KIRREL3: variants seen among roughly 807,000 people sequenced by gnomAD.
KIRREL3 encodes the protein kirre like nephrin family adhesion molecule 3.
KIRREL3 carries 36 observed loss-of-function variants against 89.7 expected under a neutral mutation model. That is an observed-to-expected ratio of 0.40 (90% CI 0.31 to 0.53). The LOEUF is 0.53. KIRREL3 is among the 20% of genes least tolerant of loss of function. The pLI, the probability that KIRREL3 is intolerant of heterozygous loss-of-function variation, is 0.49. For synonymous variants in KIRREL3, 445 were observed against 441.4 expected (o/e 1.01, Z -0.10); for missense variants, 864 against 1,056.6 (o/e 0.82, Z 2.53).
chr11:126,802,709 A>G lies in KIRREL3; in HGVS notation c.55+197746T>C, dbSNP rs902571209. On this transcript the variant is annotated intron_variant, in intron 1 of 16. Coordinates refer to ENST00000525144, the MANE Select transcript of KIRREL3 (RefSeq NM_032531.4). The surrounding 1 kb of genome is among the most constrained non-coding windows in gnomAD (Gnocchi z 5.2). ...CAACCCTGAATTGGAATAACTGGAT[A>G]AGTAATTATCCTACTCTTTAAATCA... 2.0e-5 allele frequency among the ~76,000 whole-genome samples: 3 copies of G among 152,214 alleles called. No individual in the cohort carries two copies. The highest frequency in any genetic ancestry group is 4.1e-4 in the South Asian group (2 of 4,830).
At chr11:126,885,497 G>A (rs569758066) in intron 1 of KIRREL3, among the ~76,000 whole-genome samples, 5 of 152,280 alleles carry the variant, frequency 3.3e-5, no homozygotes, top group Middle Eastern at 6.8e-3. Context: ...GCATCCCTAA[G>A]ATCTATTTAA....
At position 126,424,968 on chromosome 11, in the gene KIRREL3, G is replaced by A. The variant is rs758142227; in HGVS notation, c.1949C>T (p.Pro650Leu). The A allele has an allele frequency of 8.9e-6, 14 of 1,579,052 alleles. No individual in the cohort carries two copies. The highest frequency in any genetic ancestry group is 1.1e-5 in the Non-Finnish European group (13 of 1,160,574). Residue 650 changes from proline (P) to leucine (L), a missense_variant, in exon 17 of 17, where the codon CCG (proline) becomes CTG (leucine). Coordinates refer to ENST00000525144, the MANE Select transcript of KIRREL3 (RefSeq NM_032531.4). ...VNTFKEHHST[P>L]TISLSSCQPD... ...CTGGCAGCTGGAGAGGGAGATGGTC[G>A]GGGTTGAGTGGTGCTCTTTGAAGGT...
rs1450519714 is a variant in KIRREL3 at position 126,462,560 on chromosome 11, G to A, written c.742+597C>T. 6.6e-6 allele frequency among the ~76,000 whole-genome samples: 1 copy of A among 152,148 alleles called. No individual in the cohort carries two copies. Among genetic ancestry groups the A allele is most frequent in the African/African-American group, 2.4e-5 (1 of 41,418 alleles). ...GATGCCTGTCATCCCAGCTACTCAG[G>A]CAGGCTAAGACAGGAGAATCGCTTG... On this transcript the variant is annotated intron_variant, in intron 6 of 16. Coordinates refer to ENST00000525144, the MANE Select transcript of KIRREL3 (RefSeq NM_032531.4). The surrounding 1 kb of genome is among the most constrained non-coding windows in gnomAD (Gnocchi z 4.8).
chr11:126,950,554 T>C (rs1025801178), intron 1 of KIRREL3, among the ~76,000 whole-genome samples: 7 of 152,308 alleles, frequency 4.6e-5, no homozygotes, highest in African/African-American at 1.4e-4. Flanking sequence ...TGGTGTCCCA[T>C]TGTTCATTCT....
chr11:126,502,799 A>C (rs1315821893), intron 4 of KIRREL3, among the ~76,000 whole-genome samples: 1 of 152,188 alleles, frequency 6.6e-6, no homozygotes. Context: ...GTTGCATTTC[A>C]TTGGTGTAGA....
intron 1 of KIRREL3, among the ~76,000 whole-genome samples, chr11:126,675,740 G>A (rs1423550187): frequency 6.6e-6 from 1 of 152,180 alleles, no homozygotes; most frequent in African/African-American, 2.4e-5. Context: ...GGTTTTGTAA[G>A]CCAAGCATAG....
Position 126,484,197 on chromosome 11 carries a change from G to T in KIRREL3, c.434-10731C>A, listed in dbSNP as rs1957292102. On this transcript the variant is annotated intron_variant, in intron 4 of 16. Coordinates refer to ENST00000525144, the MANE Select transcript of KIRREL3 (RefSeq NM_032531.4). This position sits in a 1 kb window ranked among gnomAD's most constrained non-coding sequence, Gnocchi z 5.2. ...TCCCCACCTGAGCACCTCTTACACT[G>T]GTCCTCACCACATCTCTATTGCATT... 6.6e-6 allele frequency among the ~76,000 whole-genome samples: 1 copy of T among 152,096 alleles called. No individual in the cohort carries two copies. The highest frequency in any genetic ancestry group is 2.4e-5 in the African/African-American group (1 of 41,398).
chr11:126,837,577 C>T lies in KIRREL3; in HGVS notation c.55+162878G>A, dbSNP rs990227581. On this transcript the variant is annotated intron_variant, in intron 1 of 16. Coordinates refer to ENST00000525144, the MANE Select transcript of KIRREL3 (RefSeq NM_032531.4). The surrounding 1 kb of genome is among the most constrained non-coding windows in gnomAD (Gnocchi z 4.7). ...TCCTCTTCCCACCTCTTCCAATCCT[C>T]GCTACATCCAGGAACTTACTCTGCT... Among the ~76,000 whole-genome samples, 8 of 152,152 alleles carry T rather than the reference C, an allele frequency of 5.3e-5. No homozygotes were observed. The highest frequency in any genetic ancestry group is 1.4e-4 in the African/African-American group (6 of 41,430).
At chr11:126,625,313 G>A (rs1943737085) in intron 1 of KIRREL3, among the ~76,000 whole-genome samples, 1 of 152,116 alleles carries the variant, frequency 6.6e-6, no homozygotes, top group Non-Finnish European at 1.5e-5. Context: ...CCTTTAGGTA[G>A]GGTCTCTGGA....
Position 126,909,274 on chromosome 11 carries a change from C to A in KIRREL3, c.55+91181G>T, listed in dbSNP as rs1430037812. On this transcript the variant is annotated intron_variant, in intron 1 of 16. Transcript: ENST00000525144. The surrounding 1 kb of genome is among the most constrained non-coding windows in gnomAD (Gnocchi z 4.5). ...TGTGGCACTAAAACCCAGGCTCCGG[C>A]CTGGGACTCTTTACATTATAAGTGT... 4.6e-5 allele frequency among the ~76,000 whole-genome samples: 7 copies of A among 152,242 alleles called. No homozygotes were observed. The highest frequency in any genetic ancestry group is 1.9e-4 in the East Asian group (1 of 5,154).
intron 1 of KIRREL3, among the ~76,000 whole-genome samples, chr11:126,847,093 G>A (rs1357359495): frequency 1.3e-5 from 2 of 152,160 alleles, no homozygotes; most frequent in Non-Finnish European, 2.9e-5. Flanking sequence ...TTATCTATAA[G>A]CTTTTATTAA....
At chr11:126,572,572 A>ACC (rs56397539) in intron 1 of KIRREL3, among the ~76,000 whole-genome samples, 30 of 139,926 alleles carry the variant, frequency 2.1e-4, no homozygotes, top group African/African-American at 8.0e-4. Context: ...GGAAGAGGGG[A>ACC]CCCCCCCCCC....
chr11:126,445,455 C>T (rs867130626), intron 9 of KIRREL3, among the ~76,000 whole-genome samples: 8 of 152,318 alleles, frequency 5.3e-5, no homozygotes, highest in Middle Eastern at 3.4e-3. Flanking sequence ...CCTGTACCTG[C>T]GGTGGCTTCT....
At chr11:126,444,233 G>A (rs1955700340) in intron 10 of KIRREL3, among the ~76,000 whole-genome samples, 1 of 152,116 alleles carries the variant, frequency 6.6e-6, no homozygotes, top group African/African-American at 2.4e-5. Context: ...GCCCTCAAGG[G>A]GGCCCCTGAA....
At chr11:126,727,193 G>T (rs1476374541) in intron 1 of KIRREL3, among the ~76,000 whole-genome samples, 2 of 152,242 alleles carry the variant, frequency 1.3e-5, no homozygotes, top group African/African-American at 4.8e-5. Context: ...GTGCACTTGG[G>T]TGTGGCTCCA....
rs620082 is a variant in KIRREL3, at chr11:126,527,794, T to C, written c.134-1107A>G. 0.85 allele frequency among the ~76,000 whole-genome samples: 130,023 copies of C among 152,080 alleles called. 55,739 individuals are homozygous for C. Among genetic ancestry groups the C allele is most frequent in the East Asian group, 1 (5,138 of 5,144 alleles). ...CGGTGAATCCAAGTCTTTCTGGCTC[T>C]GAAGACCATGCTCTCCCCTACTGAG... On this transcript the variant is annotated intron_variant, in intron 2 of 16. Coordinates refer to ENST00000525144, the MANE Select transcript of KIRREL3 (RefSeq NM_032531.4). The surrounding 1 kb of genome is among the most constrained non-coding windows in gnomAD (Gnocchi z 4.2).
intron 1 of KIRREL3, among the ~76,000 whole-genome samples, chr11:126,824,235 C>A (rs1943328771): frequency 6.6e-6 from 1 of 152,178 alleles, no homozygotes. Context: ...CAAGCATTCT[C>A]ATCCGGCAAG....
In KIRREL3 at chr11:126,550,514, GGT is replaced by G. The variant is rs1235136765; in HGVS notation, c.133+12319_133+12320del. 6.6e-6 allele frequency: 1 copy of G among 152,272 alleles called. No homozygotes were observed. The highest frequency in any genetic ancestry group is 1.5e-5 in the Non-Finnish European group (1 of 68,072). 9.4% of individuals were successfully genotyped at this position (152,272 alleles called of 1,614,324 possible). A position where few individuals can be genotyped will look rare whatever the true frequency, so the allele number is the denominator to read the frequency against. ...ATACAAAAAATCAGCCAAGTGAGGT[GGT>G]GGGTGCCTGTAATCCCAGCTACTCA... is the stretch of plus-strand genomic sequence containing the variant. On this transcript the variant is annotated intron_variant, in intron 2 of 16. Transcript: ENST00000525144. The surrounding 1 kb of genome is among the most constrained non-coding windows in gnomAD (Gnocchi z 4.9).
At chr11:126,469,756 AGG>A (rs1409889661) in intron 5 of KIRREL3, among the ~76,000 whole-genome samples, 1 of 152,212 alleles carries the variant, frequency 6.6e-6, no homozygotes, top group African/African-American at 2.4e-5. Context: ...CTTGGGACAC[AGG>A]GCCTCTTCCC....
Sources: allele counts gnomAD v4.1 joint callset (sites outside exome capture counted in the v4.1 genomes callset), GRCh38; gene constraint gnomAD v4.1.1; non-coding constraint Gnocchi (gnomAD v3.1); transcripts MANE v1.5; gene names NCBI Gene and HGNC (gene_info 2026-07-23, HGNC 2026-07-21).